The following OTUD7B variants were observed in gnomAD, a reference collection of about 807,000 sequenced individuals.
The protein encoded by OTUD7B is OTU domain-containing protein 7B.
Under a neutral mutation model 82.2 loss-of-function variants are expected in OTUD7B, and 34 were observed. The ratio of observed to expected loss-of-function variants is 0.41; its 90% CI spans 0.31 to 0.55. The LOEUF (loss-of-function observed/expected upper bound fraction) is 0.55, where lower values mean the gene tolerates loss of function less well. Ranked by LOEUF, OTUD7B falls within the 20% of genes least tolerant of loss-of-function variation. The pLI, the probability that OTUD7B is intolerant of heterozygous loss-of-function variation, is 0.20. For missense variants in OTUD7B, 944 were observed against 1,062.1 expected (o/e 0.89, Z 1.55); for synonymous variants, 398 against 402.7 (o/e 0.99, Z 0.14).
the OTUD7B span, among the ~76,000 whole-genome samples, chr1:150,059,053 CTT>C: frequency 2.3e-4 from 29 of 125,460 alleles, no homozygotes; most frequent in African/African-American, 8.3e-4. Flanking sequence ...ACTTTCTTTT[CTT>C]TTTTTTTTTT....
chr1:149,945,006 A>G lies in OTUD7B; in HGVS notation c.1383T>C (p.Thr461=), dbSNP rs781821068. The change falls in exon 12 of 12, where the codon ACT becomes ACC. Residue 461 remains threonine (T), a synonymous_variant. Transcript: ENST00000581312. ...TASAGDEPRS[T]PESGDSDKES... is the part of the protein sequence containing the mutation. ...CCTTGTCTGAGTCTCCAGACTCAGG[A>G]GTGGACCGGGGCTCATCTCCAGCTG... 1.2e-5 allele frequency: 20 copies of G among 1,613,912 alleles called. No homozygotes were observed. The African/African-American group carries it at 2.5e-4, about 20-fold the overall frequency.
At chr1:149,966,413 AAAC>A (rs1649523482) in intron 4 of OTUD7B, among the ~76,000 whole-genome samples, 1 of 152,240 alleles carries the variant, frequency 6.6e-6, no homozygotes, top group African/African-American at 2.4e-5. Flanking sequence ...AACAAAACAA[AAAC>A]AACTCAAAGC....
intron 1 of OTUD7B, among the ~76,000 whole-genome samples, chr1:150,006,745 TC>T (rs1652699207): frequency 1.3e-5 from 2 of 152,288 alleles, no homozygotes; most frequent in South Asian, 4.1e-4. Context: ...TCTTGAGACT[TC>T]CCCACAGGTT....
intron 7 of OTUD7B, among the ~76,000 whole-genome samples, chr1:149,952,387 C>T (rs4926399): frequency 0.31 from 46,448 of 151,886 alleles, 7,998 homozygotes; most frequent in African/African-American, 0.46. Context: ...ACTCATGCTT[C>T]TTTATGGCTG....
chr1:150,024,586 T>C, the OTUD7B span, among the ~76,000 whole-genome samples: 1 of 152,218 alleles, frequency 6.6e-6, no homozygotes, highest in Admixed American at 6.5e-5. Context: ...ATTATAAATA[T>C]ATAAATACAG....
At chr1:149,964,161 C>G in intron 6 of OTUD7B, 61 bp downstream of exon 6, 1 of 1,586,100 alleles carries the variant, frequency 6.3e-7, no homozygotes, top group Non-Finnish European at 8.6e-7. Flanking sequence ...GGCAGGCACC[C>G]AGTGACTTTG....
chr1:150,001,852 A>G (rs1442716673), intron 1 of OTUD7B, among the ~76,000 whole-genome samples: 1 of 152,190 alleles, frequency 6.6e-6, no homozygotes, highest in Non-Finnish European at 1.5e-5. Flanking sequence ...AAGGCCTATC[A>G]ATGGAAGGTA....
At chr1:149,986,237 T>TCTCA (rs1553780769) in intron 1 of OTUD7B, among the ~76,000 whole-genome samples, 1 of 136,544 alleles carries the variant, frequency 7.3e-6, no homozygotes, top group African/African-American at 2.8e-5. Flanking sequence ...TGGTACCCCA[T>TCTCA]CACACACACA....
chr1:149,945,287 A>C (rs1647634566), intron 11 of OTUD7B, among the ~76,000 whole-genome samples: 1 of 152,114 alleles, frequency 6.6e-6, no homozygotes, highest in Non-Finnish European at 1.5e-5. Flanking sequence ...TGATGAGGGA[A>C]GGGTCACCCA....
intron 2 of OTUD7B, among the ~76,000 whole-genome samples, chr1:149,971,743 C>T (rs1649955629): frequency 6.6e-6 from 1 of 152,156 alleles, no homozygotes; most frequent in Admixed American, 6.5e-5. Flanking sequence ...GAGTTCATAG[C>T]TGTCATCAGC....
chr1:149,996,012 G>T (rs1651899285), intron 1 of OTUD7B, among the ~76,000 whole-genome samples: 1 of 152,130 alleles, frequency 6.6e-6, no homozygotes, highest in African/African-American at 2.4e-5. Flanking sequence ...TGACTCAAGA[G>T]TCCCTACCTG....
At chr1:150,002,380 T>C (rs587728740) in intron 1 of OTUD7B, among the ~76,000 whole-genome samples, 2 of 152,290 alleles carry the variant, frequency 1.3e-5, no homozygotes. Context: ...CTTCTACATC[T>C]GAATCACTAC....
intron 1 of OTUD7B, among the ~76,000 whole-genome samples, chr1:149,990,413 A>G (rs1354576000): frequency 5.3e-5 from 8 of 152,226 alleles, no homozygotes; most frequent in African/African-American, 1.9e-4. Flanking sequence ...TAAACTATTC[A>G]TGCTAGTCCG....
At chr1:149,976,274 A>G (rs1023195222) in intron 2 of OTUD7B, among the ~76,000 whole-genome samples, 4 of 152,094 alleles carry the variant, frequency 2.6e-5, no homozygotes, top group Non-Finnish European at 2.9e-5. Context: ...GACTCTAAAC[A>G]GAATCCTAGG....
In OTUD7B at chr1:149,941,492, G is replaced by A. The variant is rs1173366366; in HGVS notation, c.*2365C>T. On this transcript the variant is annotated 3_prime_UTR_variant, in exon 12 of 12. Transcript: ENST00000581312. ...GTGTTCAAATCACAGAAACAGGGAC[G>A]TAACTAGGGTGAGGTGAGCAAAGCA... 5 of 152,198 alleles carry A rather than the reference G, an allele frequency of 3.3e-5. No homozygotes were observed. Among genetic ancestry groups the A allele is most frequent in the Admixed American group, 2.0e-4 (3 of 15,276 alleles). The allele number at this position is 152,198 out of a possible 1,614,324, so 9.4% of individuals were successfully genotyped here.
At chr1:149,974,376 T>G (rs1553778184) in intron 2 of OTUD7B, among the ~76,000 whole-genome samples, 1 of 152,092 alleles carries the variant, frequency 6.6e-6, no homozygotes, top group Non-Finnish European at 1.5e-5. Context: ...CTGGCCAGAG[T>G]GTTCTCTACA....
chr1:149,954,735 A>C lies in OTUD7B; in HGVS notation c.846-4514T>G, dbSNP rs587676861. Reference sequence around the variant, plus strand: ...TCAATTTCAGAGGTGCTATTGGTCTATTCAGGGGTTCAAATTCTTCCTGGT... The same window carrying C: ...TCAATTTCAGAGGTGCTATTGGTCTCTTCAGGGGTTCAAATTCTTCCTGGT... On this transcript the variant is annotated intron_variant, in intron 7 of 11. Coordinates refer to ENST00000581312, the MANE Select transcript of OTUD7B (RefSeq NM_020205.4). Among the ~76,000 whole-genome samples the C allele has an allele frequency of 7.9e-5, 12 of 152,246 alleles. No homozygotes were observed. In the East Asian group the frequency reaches 2.3e-3, roughly 29 times the overall value.
chr1:150,022,425 AAC>A, the OTUD7B span, among the ~76,000 whole-genome samples: 3 of 782 alleles, frequency 3.8e-3, no homozygotes, highest in East Asian at 0.025. Context: ...AAAAAAAAAT[AAC>A]TACATGCTGA....
rs1398953206 is a variant in OTUD7B at position 149,942,211 on chromosome 1, C to G, written c.*1646G>C. The G allele has an allele frequency of 6.6e-6, 1 of 152,622 alleles. No homozygotes were observed. 9.5% of individuals were successfully genotyped at this position (152,622 alleles called of 1,614,324 possible). ...ATACCTCAAAAGAGAAATCCAAACA[C>G]AGAAAAACAGCCCCAGTTAATACTC... On this transcript the variant is annotated 3_prime_UTR_variant, in exon 12 of 12. Transcript: ENST00000581312.
Sources: gnomAD v4.1 joint callset for allele counts (sites outside exome capture counted in the v4.1 genomes callset) on GRCh38, gnomAD v4.1.1 for gene constraint, MANE v1.5 for transcripts, NCBI Gene and HGNC (gene_info 2026-07-23, HGNC 2026-07-21) for gene names.